MAF: variants seen among roughly 807,000 people sequenced by gnomAD.
The protein encoded by MAF is transcription factor Maf.
A neutral mutation model predicts 22.0 loss-of-function variants in MAF; 10 were observed. The observed-to-expected ratio is 0.45, with a 90% confidence interval of 0.28 to 0.77. The LOEUF is 0.77. Ranked by LOEUF, MAF falls within the 30% of genes least tolerant of loss-of-function variation. MAF has a pLI of 0.12. For missense variants in MAF, 544 were observed against 548.4 expected, an observed-to-expected ratio of 0.99 and a Z score of 0.08; for synonymous variants, 337 against 255.8, an observed-to-expected ratio of 1.32 and a Z score of -3.03.
chr16:79,248,335 C>T, the MAF span, among the ~76,000 whole-genome samples: 1 of 152,152 alleles, frequency 6.6e-6, no homozygotes, highest in Non-Finnish European at 1.5e-5. Flanking sequence ...AATACAGTGT[C>T]TGCAATAATA....
the MAF span, among the ~76,000 whole-genome samples, chr16:79,375,512 T>C: frequency 6.6e-6 from 1 of 152,100 alleles, no homozygotes; most frequent in Non-Finnish European, 1.5e-5. Context: ...ATGATGATGA[T>C]GATATATTAA....
the MAF span, chr16:79,211,562 C>G: frequency 1.9e-6 from 3 of 1,613,300 alleles, no homozygotes; most frequent in South Asian, 1.1e-5. Flanking sequence ...CATCTCATCA[C>G]TCCTTTTCTT....
At chr16:79,357,052 T>TTTA in the MAF span, among the ~76,000 whole-genome samples, 8 of 151,634 alleles carry the variant, frequency 5.3e-5, no homozygotes, top group South Asian at 1.7e-3. Flanking sequence ...AGGTCAGGAG[T>TTTA]TTAAGACCAG....
the MAF span, among the ~76,000 whole-genome samples, chr16:79,454,136 T>C: frequency 3.9e-5 from 6 of 152,196 alleles, no homozygotes; most frequent in Non-Finnish European, 5.9e-5. Context: ...ATTTTAGGGA[T>C]GAATACATTA....
chr16:79,572,486 G>C, the MAF span, among the ~76,000 whole-genome samples: 2 of 152,156 alleles, frequency 1.3e-5, no homozygotes, highest in Admixed American at 6.5e-5. Flanking sequence ...ACGCACATAC[G>C]TCTCTTTTAT....
the MAF span, among the ~76,000 whole-genome samples, chr16:79,393,705 T>G: frequency 6.6e-6 from 1 of 152,158 alleles, no homozygotes; most frequent in Admixed American, 6.5e-5. Context: ...GGGACATCGA[T>G]GCTTGGCTAG....
the MAF span, among the ~76,000 whole-genome samples, chr16:79,541,783 G>GT: frequency 1.3e-5 from 2 of 150,536 alleles, no homozygotes; most frequent in Admixed American, 1.3e-4. Flanking sequence ...AGCGTCTTCA[G>GT]TAGCTGGGAT....
the MAF span, chr16:79,211,812 G>A: frequency 1.9e-6 from 3 of 1,613,798 alleles, no homozygotes; most frequent in Non-Finnish European, 2.5e-6. Context: ...GCTCAGAGCG[G>A]ATGGGCACAC....
the MAF span, among the ~76,000 whole-genome samples, chr16:79,209,919 C>G: frequency 6.6e-5 from 10 of 152,160 alleles, no homozygotes; most frequent in African/African-American, 2.4e-4. Context: ...AGACTTGAGC[C>G]ACACAAATCA....
chr16:79,474,277 G>A, the MAF span, among the ~76,000 whole-genome samples: 5 of 152,176 alleles, frequency 3.3e-5, no homozygotes, highest in Admixed American at 6.5e-5. Flanking sequence ...CGCCTCTTTG[G>A]GGGAAATTAT....
chr16:79,360,647 G>C, the MAF span, among the ~76,000 whole-genome samples: 1 of 152,158 alleles, frequency 6.6e-6, no homozygotes, highest in Admixed American at 6.5e-5. Context: ...AAGAGCATGA[G>C]GGTCAACCAG....
the MAF span, among the ~76,000 whole-genome samples, chr16:79,425,683 C>A: frequency 2.8e-5 from 4 of 142,004 alleles, no homozygotes; most frequent in Admixed American, 2.9e-4. Flanking sequence ...TTTTTTGAGA[C>A]GGAGTCTCCC....
chr16:79,552,143 G>A, the MAF span, among the ~76,000 whole-genome samples: 1 of 152,060 alleles, frequency 6.6e-6, no homozygotes, highest in Admixed American at 6.5e-5. Flanking sequence ...TCAGGACAAC[G>A]GGAAATGCTG....
At chr16:79,290,377 T>C in the MAF span, among the ~76,000 whole-genome samples, 1 of 152,340 alleles carries the variant, frequency 6.6e-6, no homozygotes, top group East Asian at 1.9e-4. Context: ...ACTAGTTACA[T>C]GGGTCATCGA....
chr16:79,577,908 T>C, the MAF span, among the ~76,000 whole-genome samples: 4 of 152,174 alleles, frequency 2.6e-5, no homozygotes, highest in African/African-American at 9.7e-5. Flanking sequence ...TTCATTTTGG[T>C]GACCTTTGCA....
chr16:79,538,387 G>A, the MAF span, among the ~76,000 whole-genome samples: 2 of 152,136 alleles, frequency 1.3e-5, no homozygotes, highest in Non-Finnish European at 2.9e-5. Flanking sequence ...AGCATCTGAT[G>A]TGAAATACCC....
At chr16:79,293,736 G>C in the MAF span, among the ~76,000 whole-genome samples, 1 of 152,202 alleles carries the variant, frequency 6.6e-6, no homozygotes, top group East Asian at 1.9e-4. Flanking sequence ...GTCTGTGAAG[G>C]GGAAAGGCAA....
chr16:79,288,404 G>T, the MAF span, among the ~76,000 whole-genome samples: 2 of 152,132 alleles, frequency 1.3e-5, 1 homozygote, highest in Admixed American at 1.3e-4. Context: ...CTGTGAGGAG[G>T]TCCAAGCTGC....
the MAF span, among the ~76,000 whole-genome samples, chr16:79,456,870 T>C: frequency 2.6e-5 from 4 of 152,154 alleles, no homozygotes; most frequent in Non-Finnish European, 5.9e-5. Context: ...CAAACACATG[T>C]GGGTCCTTTG....
Sources: allele counts gnomAD v4.1 joint callset (sites outside exome capture counted in the v4.1 genomes callset), GRCh38; gene constraint gnomAD v4.1.1; transcripts MANE v1.5; gene names NCBI Gene and HGNC (gene_info 2026-07-23, HGNC 2026-07-21).